Variants in FBXO42 observed in about 807,000 individuals in gnomAD.
FBXO42 encodes the protein F-box protein 42, also known as F-box only protein 42.
In FBXO42, 12 loss-of-function variants were observed where a neutral mutation model predicts 71.7. The observed-to-expected ratio is 0.17, with a 90% CI of 0.11 to 0.27. The LOEUF is 0.27. FBXO42 is among the 10% of genes least tolerant of loss of function. The probability of loss-of-function intolerance (pLI) is 1.00; values close to 1 mark genes in which losing one functional copy is unlikely to be tolerated. For synonymous variants in FBXO42, 325 were observed against 327.5 expected, an observed-to-expected ratio of 0.99 and a Z score of 0.08; for missense variants, 707 against 911.9, an observed-to-expected ratio of 0.78 and a Z score of 2.89.
At chr1:16,350,573 C>CAAAAAAAAAA (rs60358251) in intron 1 of FBXO42, among the ~76,000 whole-genome samples, 15 of 66,782 alleles carry the variant, frequency 2.2e-4, no homozygotes, top group Non-Finnish European at 2.8e-4. Flanking sequence ...ACTAAAATTA[C>CAAAAAAAAAA]AAAAAAAAAA....
intron 4 of FBXO42, among the ~76,000 whole-genome samples, chr1:16,269,038 T>C (rs1284050850): frequency 6.6e-6 from 1 of 151,606 alleles, no homozygotes; most frequent in Non-Finnish European, 1.5e-5. Flanking sequence ...CTCGAACTCC[T>C]GACCTCGTGA....
At chr1:16,282,826 C>T (rs1030698371) in intron 4 of FBXO42, among the ~76,000 whole-genome samples, 14 of 151,902 alleles carry the variant, frequency 9.2e-5, no homozygotes, top group African/African-American at 3.1e-4. Context: ...ACTAAAAATA[C>T]AAAAATTAGC....
chr1:16,270,645 C>A (rs1336410748), intron 4 of FBXO42, among the ~76,000 whole-genome samples: 3 of 128,374 alleles, frequency 2.3e-5, no homozygotes, highest in Non-Finnish European at 4.7e-5. Context: ...TCAAGACCAG[C>A]CTGAGCAATA....
intron 1 of FBXO42, among the ~76,000 whole-genome samples, chr1:16,315,691 T>A (rs981291183): frequency 1.3e-5 from 2 of 152,126 alleles, no homozygotes; most frequent in African/African-American, 4.8e-5. Flanking sequence ...TCTGGTATAA[T>A]CGTAAACCAG....
intron 4 of FBXO42, among the ~76,000 whole-genome samples, chr1:16,265,170 C>T (rs113614139): frequency 0.023 from 3,429 of 152,228 alleles, 116 homozygotes; most frequent in African/African-American, 0.078. Flanking sequence ...CTCGGCTCAC[C>T]GCAGCCTCTG....
intron 2 of FBXO42, among the ~76,000 whole-genome samples, chr1:16,308,168 G>T (rs2082272176): frequency 6.6e-6 from 1 of 152,004 alleles, no homozygotes; most frequent in Non-Finnish European, 1.5e-5. Flanking sequence ...TTTAATAGAG[G>T]TGGGGTCTCA....
intron 1 of FBXO42, among the ~76,000 whole-genome samples, chr1:16,346,027 G>A (rs561788837): frequency 6.6e-6 from 1 of 152,220 alleles, no homozygotes; most frequent in Non-Finnish European, 1.5e-5. Context: ...GCTTATGCTG[G>A]CCAAATTTCA....
intron 3 of FBXO42, among the ~76,000 whole-genome samples, chr1:16,302,321 T>C (rs1234375092): frequency 6.6e-6 from 1 of 152,172 alleles, no homozygotes; most frequent in Admixed American, 6.6e-5. Context: ...AGGTAGTGTA[T>C]TAGTCCATTT....
chr1:16,275,599 A>C (rs1200463802), intron 4 of FBXO42, among the ~76,000 whole-genome samples: 2 of 152,194 alleles, frequency 1.3e-5, no homozygotes, highest in African/African-American at 4.8e-5. Context: ...ACTCAGGGAC[A>C]AAAAGCTAGA....
chr1:16,317,642 G>A (rs977079582), intron 1 of FBXO42, among the ~76,000 whole-genome samples: 1 of 151,838 alleles, frequency 6.6e-6, no homozygotes, highest in African/African-American at 2.4e-5. Context: ...ACAGAAGAAT[G>A]GGCAGGCACA....
rs1340170995 is a variant in FBXO42 at position 16,253,618 on chromosome 1, T to G, written c.864+17A>C. ...CGCTACAGTGTTTGCTGAATAGTTA[T>G]TTTAATTCCTGAGCACCTGAGATTG... On this transcript the variant is annotated intron_variant, in intron 7 of 9. Transcript: ENST00000375592. The G allele has an allele frequency of 6.2e-7, 1 of 1,613,126 alleles. No homozygotes were observed. Among genetic ancestry groups the G allele is most frequent in the Non-Finnish European group, 8.5e-7 (1 of 1,179,218 alleles).
intron 1 of FBXO42, among the ~76,000 whole-genome samples, chr1:16,351,587 T>C (rs1236761159): frequency 1.3e-5 from 2 of 151,772 alleles, no homozygotes; most frequent in East Asian, 1.9e-4. Context: ...GCAGCGACCA[T>C]CAAGATCTCA....
intron 2 of FBXO42, among the ~76,000 whole-genome samples, chr1:16,308,391 G>T (rs2082275596): frequency 6.6e-6 from 1 of 152,190 alleles, no homozygotes; most frequent in South Asian, 2.1e-4. Context: ...AGCAAGGCAG[G>T]AGGATCGCTT....
chr1:16,301,344 T>A (rs1471644058), intron 3 of FBXO42, among the ~76,000 whole-genome samples: 1 of 152,026 alleles, frequency 6.6e-6, no homozygotes, highest in African/African-American at 2.4e-5. Flanking sequence ...TTATTAGATA[T>A]CAACTATGAA....
At chr1:16,286,678 T>C (rs1251336805) in intron 4 of FBXO42, among the ~76,000 whole-genome samples, 1 of 152,168 alleles carries the variant, frequency 6.6e-6, no homozygotes, top group Non-Finnish European at 1.5e-5. Flanking sequence ...CATATACATA[T>C]ATCTCCACCT....
chr1:16,298,051 C>A (rs2082150087), intron 3 of FBXO42, among the ~76,000 whole-genome samples: 2 of 151,772 alleles, frequency 1.3e-5, no homozygotes, highest in South Asian at 4.2e-4. Flanking sequence ...CATGGTGAAA[C>A]CCCTCTCTAC....
chr1:16,278,033 C>A lies in FBXO42; in HGVS notation c.502+16750G>T, dbSNP rs143696126. Among the ~76,000 whole-genome samples, 39 of 149,532 alleles carry A rather than the reference C, an allele frequency of 2.6e-4. No homozygotes were observed. The East Asian group carries it at 7.4e-3, about 28-fold the overall frequency. ...CTCCAGCCTGGGTGATGGAGTGACA[C>A]CCTGTATCAAAAAATAAATAATTTT... On this transcript the variant is annotated intron_variant, in intron 4 of 9. Transcript: ENST00000375592.
chr1:16,341,914 T>C (rs1312889732), intron 1 of FBXO42, among the ~76,000 whole-genome samples: 2 of 147,044 alleles, frequency 1.4e-5, no homozygotes, highest in Non-Finnish European at 3.0e-5. Flanking sequence ...GAGGTCGCGA[T>C]GAGCCAAGAT....
intron 1 of FBXO42, among the ~76,000 whole-genome samples, chr1:16,348,362 T>C (rs2082670795): frequency 6.6e-6 from 1 of 152,154 alleles, no homozygotes; most frequent in African/African-American, 2.4e-5. Context: ...AAGTTCAATA[T>C]CAAAGCTACT....
Sources: gnomAD v4.1 joint callset for allele counts (sites outside exome capture counted in the v4.1 genomes callset) on GRCh38, gnomAD v4.1.1 for gene constraint, MANE v1.5 for transcripts, NCBI Gene and HGNC (gene_info 2026-07-23, HGNC 2026-07-21) for gene names.